The following FOXP2 variants were observed in gnomAD, a reference collection of about 807,000 sequenced individuals.
FOXP2 encodes forkhead box P2.
Under a neutral mutation model 115.8 loss-of-function variants are expected in FOXP2, and 12 were observed. The observed-to-expected ratio is 0.10, with a 90% CI of 0.07 to 0.17. FOXP2 has a LOEUF of 0.17. Ranked by LOEUF, FOXP2 falls within the 10% of genes least tolerant of loss-of-function variation. FOXP2 has a pLI of 1.00. For synonymous variants in FOXP2, 328 were observed against 297.7 expected, an observed-to-expected ratio of 1.10 and a Z score of -1.05; for missense variants, 629 against 843.5, an observed-to-expected ratio of 0.75 and a Z score of 3.15.
intron 1 of FOXP2, among the ~76,000 whole-genome samples, chr7:114,218,039 T>G (rs1794528530): frequency 6.6e-6 from 1 of 152,186 alleles, no homozygotes; most frequent in Non-Finnish European, 1.5e-5. Context: ...TGTACACATG[T>G]GATACCTTTA....
At chr7:114,390,624 G>A (rs934081382) in intron 2 of FOXP2, among the ~76,000 whole-genome samples, 7 of 151,990 alleles carry the variant, frequency 4.6e-5, no homozygotes, top group Non-Finnish European at 7.4e-5. Context: ...CATGATCACT[G>A]CTCACTGGAG....
chr7:114,587,051 T>G (rs1281209830), intron 3 of FOXP2, among the ~76,000 whole-genome samples: 1 of 149,194 alleles, frequency 6.7e-6, no homozygotes, highest in African/African-American at 2.5e-5. Flanking sequence ...TATTTTTATG[T>G]GCTATTTCTT....
At chr7:114,432,873 A>G (rs1794177152) in intron 2 of FOXP2, among the ~76,000 whole-genome samples, 1 of 151,946 alleles carries the variant, frequency 6.6e-6, no homozygotes, top group African/African-American at 2.4e-5. Flanking sequence ...GACAAAACAG[A>G]TGGTATTGTT....
intron 3 of FOXP2, among the ~76,000 whole-genome samples, chr7:114,568,404 G>T (rs775457461): frequency 6.7e-6 from 1 of 149,256 alleles, no homozygotes; most frequent in South Asian, 2.1e-4. Context: ...TGAATGAAAA[G>T]GTTCTTCATG....
At chr7:114,678,507 A>G (rs527869026) in intron 16 of FOXP2, among the ~76,000 whole-genome samples, 26 of 119,160 alleles carry the variant, frequency 2.2e-4, no homozygotes, top group Admixed American at 2.0e-3. Flanking sequence ...AAAGCCCTAC[A>G]TGCTTTCTTT....
chr7:114,657,010 A>G (rs890443515), intron 10 of FOXP2, among the ~76,000 whole-genome samples: 1 of 152,186 alleles, frequency 6.6e-6, no homozygotes, highest in South Asian at 2.1e-4. Context: ...AACAATTAGA[A>G]TTAGTTTTCT....
chr7:114,418,946 A>G (rs893308504), intron 1 of FOXP2, among the ~76,000 whole-genome samples: 1 of 151,922 alleles, frequency 6.6e-6, no homozygotes, highest in Non-Finnish European at 1.5e-5. Flanking sequence ...TTAAAATAAA[A>G]CTGACAAATG....
rs76667832 is a variant in FOXP2 at position 114,157,769 on chromosome 7, T to C, written c.-246-5175T>C. Reference sequence around the variant, plus strand: ...GTACTATAAAAACATATTATATATTTGCAAAAGGTATGTCTGGCATATTCT... The same window carrying C: ...GTACTATAAAAACATATTATATATTCGCAAAAGGTATGTCTGGCATATTCT... On this transcript the variant is annotated intron_variant, in intron 1 of 19. Transcript: ENST00000635638. Among the ~76,000 whole-genome samples the C allele has an allele frequency of 1.3e-3, 197 of 152,246 alleles. 2 individuals are homozygous for C. The highest frequency in any genetic ancestry group is 4.4e-3 in the African/African-American group (185 of 41,576).
At chr7:114,202,146 G>A (rs1794083866) in intron 1 of FOXP2, among the ~76,000 whole-genome samples, 1 of 152,176 alleles carries the variant, frequency 6.6e-6, no homozygotes, top group East Asian at 1.9e-4. Flanking sequence ...TGTTTGGAAG[G>A]TTTGGAGGCA....
intron 4 of FOXP2, chr7:114,628,882 T>C: frequency 1.7e-6 from 1 of 591,176 alleles, no homozygotes; most frequent in South Asian, 2.0e-5. Context: ...TATTAAAGTC[T>C]AGAATAAGAG....
At chr7:114,637,225 C>T (rs953745416) in intron 6 of FOXP2, among the ~76,000 whole-genome samples, 1 of 152,042 alleles carries the variant, frequency 6.6e-6, no homozygotes, top group Non-Finnish European at 1.5e-5. Context: ...TAAGGAATTA[C>T]CCTTTCATTT....
At chr7:114,219,103 A>G (rs1184543240) in intron 1 of FOXP2, among the ~76,000 whole-genome samples, 1 of 152,228 alleles carries the variant, frequency 6.6e-6, no homozygotes, top group Non-Finnish European at 1.5e-5. Context: ...ATTTTAGTTT[A>G]AAAGCTACTA....
intron 3 of FOXP2, among the ~76,000 whole-genome samples, chr7:114,596,319 G>C (rs907561242): frequency 6.6e-6 from 1 of 152,022 alleles, no homozygotes; most frequent in African/African-American, 2.4e-5. Context: ...AGGCATCCCA[G>C]CTTGGAGTAG....
intron 2 of FOXP2, among the ~76,000 whole-genome samples, chr7:114,437,250 AC>A (rs541557699): frequency 1.2e-3 from 186 of 152,234 alleles, no homozygotes; most frequent in African/African-American, 4.0e-3. Flanking sequence ...ATTTTCATGC[AC>A]CTTTTCCAAA....
chr7:114,137,939 C>G (rs1408346487), intron 1 of FOXP2, among the ~76,000 whole-genome samples: 1 of 151,824 alleles, frequency 6.6e-6, no homozygotes, highest in South Asian at 2.1e-4. Context: ...ACACCATTCT[C>G]TAATTTGAAA....
intron 3 of FOXP2, chr7:114,570,892 C>G: frequency 6.2e-7 from 1 of 1,610,462 alleles, no homozygotes. Context: ...GTAAGTTACA[C>G]TGGGCAATTA....
intron 2 of FOXP2, among the ~76,000 whole-genome samples, chr7:114,438,079 AT>A (rs907033944): frequency 1.1e-4 from 16 of 151,966 alleles, no homozygotes; most frequent in Non-Finnish European, 1.3e-4. Context: ...ACCTGTTTTT[AT>A]TTTTTTTAAT....
At chr7:114,185,665 A>G (rs1339536120) in intron 1 of FOXP2, among the ~76,000 whole-genome samples, 1 of 152,170 alleles carries the variant, frequency 6.6e-6, no homozygotes, top group Non-Finnish European at 1.5e-5. Context: ...CCTCTCCTTC[A>G]GGGAAACAGC....
chr7:114,332,251 G>A (rs1584643223), intron 2 of FOXP2, among the ~76,000 whole-genome samples: 1 of 152,216 alleles, frequency 6.6e-6, no homozygotes, highest in East Asian at 1.9e-4. Flanking sequence ...AAATAATTTG[G>A]TTGACAAAGT....
Sources: gnomAD v4.1 joint callset for allele counts (sites outside exome capture counted in the v4.1 genomes callset) on GRCh38, gnomAD v4.1.1 for gene constraint, MANE v1.5 for transcripts, NCBI Gene and HGNC (gene_info 2026-07-23, HGNC 2026-07-21) for gene names.